The following CDADC1 variants were observed in gnomAD, a reference collection of about 807,000 sequenced individuals.
CDADC1 encodes the protein dCTP deaminase.
Under a neutral mutation model 54.9 loss-of-function variants are expected in CDADC1, and 39 were observed. The ratio of observed to expected loss-of-function variants is 0.71; its 90% confidence interval spans 0.55 to 0.93. CDADC1 has a LOEUF of 0.93. CDADC1 is among the 40% of genes least tolerant of loss of function. The pLI is 0.00. For missense variants in CDADC1, 518 were observed against 618.8 expected (o/e 0.84, Z 1.73); for synonymous variants, 186 against 204.0 (o/e 0.91, Z 0.75).
At chr13:49,288,021 A>G (rs1454622564) in intron 9 of CDADC1, among the ~76,000 whole-genome samples, 1 of 151,928 alleles carries the variant, frequency 6.6e-6, no homozygotes, top group African/African-American at 2.4e-5. Flanking sequence ...AAGGCAAGCC[A>G]TGGAATATGA....
chr13:49,255,733 A>C (rs1952528042), intron 2 of CDADC1, 106 bp from the exon 3 acceptor site: 3 of 1,398,790 alleles, frequency 2.1e-6, no homozygotes, highest in Non-Finnish European at 2.9e-6. Flanking sequence ...TCATGGAAAA[A>C]AAAATGGTCA....
chr13:49,287,782 G>C (rs1953565795), intron 9 of CDADC1, among the ~76,000 whole-genome samples: 1 of 152,052 alleles, frequency 6.6e-6, no homozygotes, highest in Non-Finnish European at 1.5e-5. Flanking sequence ...AACCAGGCTA[G>C]GCAACATGGC....
At chr13:49,280,906 T>C (rs1407276980) in intron 8 of CDADC1, among the ~76,000 whole-genome samples, 1 of 151,642 alleles carries the variant, frequency 6.6e-6, no homozygotes, top group Non-Finnish European at 1.5e-5. Flanking sequence ...CGATCTCGGC[T>C]CACTGCAGAC....
intron 3 of CDADC1, among the ~76,000 whole-genome samples, chr13:49,257,637 G>A (rs868714140): frequency 6.6e-6 from 1 of 152,094 alleles, no homozygotes; most frequent in Non-Finnish European, 1.5e-5. Flanking sequence ...GGGCGTGGTG[G>A]CAGCTACTCA....
intron 6 of CDADC1, among the ~76,000 whole-genome samples, chr13:49,275,754 G>T (rs1566370243): frequency 1.7e-4 from 12 of 71,950 alleles, no homozygotes; most frequent in South Asian, 5.0e-4. Context: ...GAGAGAGAGA[G>T]AGAGAGAGAG....
intron 2 of CDADC1, among the ~76,000 whole-genome samples, chr13:49,252,955 C>T (rs1035856441): frequency 6.6e-6 from 1 of 152,082 alleles, no homozygotes; most frequent in Non-Finnish European, 1.5e-5. Flanking sequence ...TATTTCTTTA[C>T]CATTTACTAT....
intron 4 of CDADC1, chr13:49,266,120 AGG>A: frequency 3.6e-6 from 1 of 275,426 alleles, no homozygotes; most frequent in South Asian, 3.6e-5. Context: ...ATTATTTTGA[AGG>A]GTAGAACACT....
In CDADC1 at chr13:49,292,632, C is replaced by A; in HGVS notation, c.*875C>A. 1 of 1,174,564 alleles carries A rather than the reference C, an allele frequency of 8.5e-7. No individual in the cohort carries two copies. The highest frequency in any genetic ancestry group is 1.1e-6 in the Non-Finnish European group (1 of 937,210). 72.8% of individuals were successfully genotyped at this position (1,174,564 alleles called of 1,614,324 possible). A position where few individuals can be genotyped will look rare whatever the true frequency, so the allele number is the denominator to read the frequency against. On this transcript the variant is annotated 3_prime_UTR_variant, in exon 10 of 10. Coordinates refer to ENST00000251108, the MANE Select transcript of CDADC1 (RefSeq NM_030911.4). The stretch of plus-strand genomic sequence containing the variant: ...AGAGCCTTTTAAAAACATTTGCCAA[C>A]CTCAAGAATAAATACTGAAAGTCTT...
At chr13:49,251,752 T>A (rs1952438742) in intron 2 of CDADC1, among the ~76,000 whole-genome samples, 2 of 151,894 alleles carry the variant, frequency 1.3e-5, no homozygotes, top group African/African-American at 4.8e-5. Flanking sequence ...AGCATTTTGT[T>A]AAAAAAAATA....
chr13:49,251,921 A>C (rs1158936433), intron 2 of CDADC1, among the ~76,000 whole-genome samples: 2 of 152,222 alleles, frequency 1.3e-5, no homozygotes, highest in African/African-American at 4.8e-5. Context: ...GCACCATGGA[A>C]GTTTTCTAAA....
rs1353276786 is a variant in CDADC1, at chr13:49,259,450, G to T, written c.357G>T (p.Gly119=). ...GGCAGATTGCTCTTATTAAACATGG[G>T]TCAAGGCTGAAAAACTGTGATCTTT... ...HAGQIALIKH[G]SRLKNCDLYF... is the part of the protein sequence containing the mutation. Residue 119 remains glycine (G), a synonymous_variant, in exon 4 of 10, where the codon GGG becomes GGT. Coordinates refer to ENST00000251108, the MANE Select transcript of CDADC1 (RefSeq NM_030911.4). 1 of 1,613,952 alleles carries T rather than the reference G, an allele frequency of 6.2e-7. No individual in the cohort carries two copies. Among genetic ancestry groups the T allele is most frequent in the Admixed American group, 1.7e-5 (1 of 59,996 alleles).
intron 4 of CDADC1, among the ~76,000 whole-genome samples, chr13:49,264,554 C>CT (rs1170568813): frequency 4.1e-5 from 1 of 24,644 alleles, no homozygotes; most frequent in Non-Finnish European, 7.9e-5. Flanking sequence ...CCCATCTCTA[C>CT]CAAAAAAAAA....
intron 5 of CDADC1, among the ~76,000 whole-genome samples, chr13:49,272,096 C>G (rs1027274606): frequency 2.0e-5 from 3 of 152,062 alleles, no homozygotes; most frequent in African/African-American, 7.2e-5. Flanking sequence ...TAGTCTGTCC[C>G]CAGGCTGAAA....
At position 49,255,838 on chromosome 13, in the gene CDADC1, G is replaced by GA; in HGVS notation, c.182dup (p.Asn61LysfsTer2). The GA allele has an allele frequency of 6.2e-7, 1 of 1,609,204 alleles. No homozygotes were observed. Among genetic ancestry groups the GA allele is most frequent in the Non-Finnish European group, 8.5e-7 (1 of 1,178,396 alleles). ...TTTTTCCTTAATCTGATTTTTATTAGAAAAATGAAGAGGGAAAGCATGGAC... is the reference window on the plus strand; with the variant it reads ...TTTTTCCTTAATCTGATTTTTATTAGAAAAAATGAAGAGGGAAAGCATGGAC... On this transcript the variant is annotated frameshift_variant and splice_region_variant. Transcript: ENST00000251108. LOFTEE classifies it high-confidence loss of function.
chr13:49,280,768 AAGTT>A (rs1953299192), intron 8 of CDADC1, 70 bp downstream of exon 8: 2 of 673,722 alleles, frequency 3.0e-6, no homozygotes, highest in Non-Finnish European at 4.5e-6. Flanking sequence ...GCAATATTGT[AAGTT>A]AGTGATTCCC....
At chr13:49,278,857 G>A (rs748851802) in intron 7 of CDADC1, among the ~76,000 whole-genome samples, 7 of 152,136 alleles carry the variant, frequency 4.6e-5, no homozygotes, top group Non-Finnish European at 1.0e-4. Context: ...TCTGGAGCAC[G>A]CATTTATTAA....
Position 49,292,903 on chromosome 13 carries a change from C to A in CDADC1, c.*1146C>A. ...CACACGGCCTCACTGGGCTTCCTAC[C>A]AGTTTCTCAGAATTACACGCACGAC... is the stretch of plus-strand genomic sequence containing the variant. On this transcript the variant is annotated 3_prime_UTR_variant, in exon 10 of 10. Transcript: ENST00000251108. The A allele has an allele frequency of 1.5e-6, 1 of 661,360 alleles. No individual in the cohort carries two copies. Among genetic ancestry groups the A allele is most frequent in the South Asian group, 1.8e-5 (1 of 55,324 alleles). 41.0% of individuals were successfully genotyped at this position (661,360 alleles called of 1,614,324 possible). A position where few individuals can be genotyped will look rare whatever the true frequency, so the allele number is the denominator to read the frequency against.
intron 2 of CDADC1, among the ~76,000 whole-genome samples, chr13:49,253,439 T>C (rs754886340): frequency 6.6e-5 from 10 of 152,218 alleles, no homozygotes; most frequent in Non-Finnish European, 1.5e-4. Context: ...GAGCAGCACC[T>C]TAGTCTAGTA....
chr13:49,285,051 A>G (rs572584597), intron 8 of CDADC1, among the ~76,000 whole-genome samples: 1 of 152,372 alleles, frequency 6.6e-6, no homozygotes, highest in African/African-American at 2.4e-5. Context: ...GATGAAATAC[A>G]GTAATCAGAG....
Sources: allele counts gnomAD v4.1 joint callset (sites outside exome capture counted in the v4.1 genomes callset), GRCh38; gene constraint gnomAD v4.1.1; transcripts MANE v1.5; gene names NCBI Gene and HGNC (gene_info 2026-07-23, HGNC 2026-07-21).